EHMT2: variants seen among roughly 807,000 people sequenced by gnomAD.
EHMT2 encodes histone-lysine N-methyltransferase EHMT2.
Under a neutral mutation model 143.3 loss-of-function variants are expected in EHMT2, and 59 were observed. The ratio of observed to expected loss-of-function variants is 0.41; its 90% CI spans 0.33 to 0.51. EHMT2 has a LOEUF of 0.51. Among genes scored for constraint, EHMT2 ranks in the 20% least tolerant of loss-of-function variants. The probability of loss-of-function intolerance (pLI) is 0.18; values close to 1 mark genes in which losing one functional copy is unlikely to be tolerated. For synonymous variants in EHMT2, 604 were observed against 651.5 expected (o/e 0.93, Z 1.11); for missense variants, 1,174 against 1,645.9 (o/e 0.71, Z 4.96).
At chr6:31,882,866 G>C in intron 24 of EHMT2, 28 bp downstream of exon 24, 1 of 1,611,778 alleles carries the variant, frequency 6.2e-7, no homozygotes, top group Middle Eastern at 1.6e-4. Flanking sequence ...GAGGTGGGGA[G>C]AGGGTGGGCT....
In EHMT2 at chr6:31,895,791, C is replaced by T. The variant is rs17207762; in HGVS notation, c.582+472G>A. The T allele has an allele frequency of 2.3e-3, 368 of 158,648 alleles. 1 individual carries two copies. The highest frequency in any genetic ancestry group is 4.3e-3 in the Non-Finnish European group (312 of 72,756). The allele number at this position is 158,648 out of a possible 1,614,324, so 9.8% of individuals were successfully genotyped here. ...TTTGCCTCAGTTTTTTCCTTTAGGT[C>T]AACAATAGGTATGACCCAAGAACCC... On this transcript the variant is annotated intron_variant, in intron 4 of 27. Transcript: ENST00000375537.
rs1005422424 is a variant in EHMT2, at chr6:31,880,920, G to C, written c.3277-72C>G. The C allele has an allele frequency of 6.2e-7, 1 of 1,606,930 alleles. No homozygotes were observed. The highest frequency in any genetic ancestry group is 1.3e-5 in the African/African-American group (1 of 74,688). Reference sequence around the variant, plus strand: ...GCCCTCCCCACCCACTGACTCCCCAGTCCCTCCTCCCCAGGTTTCCATTTG... The same window carrying C: ...GCCCTCCCCACCCACTGACTCCCCACTCCCTCCTCCCCAGGTTTCCATTTG... On this transcript the variant is annotated intron_variant, in intron 26 of 27. Coordinates refer to ENST00000375537, the Ensembl canonical transcript of EHMT2. The surrounding 1 kb of genome is among the most constrained non-coding windows in gnomAD (Gnocchi z 6.6).
In EHMT2 at chr6:31,883,481, T is replaced by C; in HGVS notation, c.2917-42A>G. 1 of 1,578,122 alleles carries C rather than the reference T, an allele frequency of 6.3e-7. No homozygotes were observed. The highest frequency in any genetic ancestry group is 1.1e-5 in the South Asian group (1 of 87,908). On this transcript the variant is annotated intron_variant, in intron 22 of 27. Transcript: ENST00000375537. This position sits in a 1 kb window ranked among gnomAD's most constrained non-coding sequence, Gnocchi z 5.6. ...GAGGTCAGCTCAACCCCATGATCGG[T>C]CTGGGCCCCTCTACTCTTGATGCCC... is the stretch of plus-strand genomic sequence containing the variant.
At chr6:31,892,768 C>T in intron 5 of EHMT2, 34 bp from the exon 6 acceptor site, 4 of 1,613,074 alleles carry the variant, frequency 2.5e-6, no homozygotes, top group Non-Finnish European at 3.4e-6. Flanking sequence ...TGGGGCCTAT[C>T]ACCGAAACCT....
chr6:31,896,077 G>A, intron 4 of EHMT2, 186 bp downstream of exon 4: 1 of 717,266 alleles, frequency 1.4e-6, no homozygotes, highest in East Asian at 2.9e-5. Context: ...ACCCAAGAAT[G>A]TAAACTGCAG....
chr6:31,894,904 G>A (rs1766179951), intron 4 of EHMT2, among the ~76,000 whole-genome samples: 1 of 152,062 alleles, frequency 6.6e-6, no homozygotes, highest in Non-Finnish European at 1.5e-5. Flanking sequence ...TGCCGGCCTT[G>A]GCCTCTGAAA....
At position 31,889,412 on chromosome 6, in the gene EHMT2, G is replaced by C; in HGVS notation, c.999+56C>G. ...GGCCCCCCCAACACCTTCAGGACCA[G>C]ACCTCCAGCCCCATAGTCTCCCACT... On this transcript the variant is annotated intron_variant, in intron 8 of 27. Coordinates refer to ENST00000375537, the Ensembl canonical transcript of EHMT2. This position sits in a 1 kb window ranked among gnomAD's most constrained non-coding sequence, Gnocchi z 5.1. The C allele has an allele frequency of 1.2e-6, 2 of 1,608,458 alleles. No individual in the cohort carries two copies. Among genetic ancestry groups the C allele is most frequent in the South Asian group, 1.1e-5 (1 of 90,626 alleles).
chr6:31,882,546 C>G (rs1236798843), intron 25 of EHMT2, 153 bp downstream of exon 25: 7 of 759,872 alleles, frequency 9.2e-6, no homozygotes, highest in Non-Finnish European at 1.5e-5. Flanking sequence ...GGCTGCTCAG[C>G]TGCAGGAATA....
intron 1 of EHMT2, chr6:31,897,224 A>AG: frequency 1.7e-6 from 2 of 1,197,448 alleles, no homozygotes; most frequent in Non-Finnish European, 2.1e-6. Flanking sequence ...AGAGAAGAGG[A>AG]GGGGGAGGGG....
chr6:31,884,936 GC>G lies in EHMT2; in HGVS notation c.2423del (p.Gly808AlafsTer31). 6.2e-7 allele frequency: 1 copy of G among 1,606,524 alleles called. No homozygotes were observed. Among genetic ancestry groups the G allele is most frequent in the Non-Finnish European group, 8.5e-7 (1 of 1,174,246 alleles). ...CGTTGTCAGTGAGGGTGACGTCGGCGCCCCGCGTCAGTAGCATGCGGATCAC... is the reference window on the plus strand; with the variant it reads ...CGTTGTCAGTGAGGGTGACGTCGGCGCCCGCGTCAGTAGCATGCGGATCAC... On this transcript the variant is annotated frameshift_variant, in exon 19 of 28. Transcript: ENST00000375537. LOFTEE classifies it high-confidence loss of function. This position sits in a 1 kb window ranked among gnomAD's most constrained non-coding sequence, Gnocchi z 7.3.
At position 31,888,438 on chromosome 6, in the gene EHMT2, C is replaced by G; in HGVS notation, c.1434G>C (p.Met478Ile). 6.2e-7 allele frequency: 1 copy of G among 1,612,908 alleles called. No individual in the cohort carries two copies. Among genetic ancestry groups the G allele is most frequent in the Non-Finnish European group, 8.5e-7 (1 of 1,179,918 alleles). Residue 478 changes from methionine to isoleucine, a missense_variant, in exon 12 of 28, where the codon ATG becomes ATC. Transcript: ENST00000375537. The surrounding 1 kb of genome is among the most constrained non-coding windows in gnomAD (Gnocchi z 7.4). ...GGGCGCGGTGGGTCTCACAGAGCAC[C>G]ATCAGGGCCACACGGCTGGATGGCC... is the stretch of plus-strand genomic sequence containing the variant.
At position 31,889,495 on chromosome 6, in the gene EHMT2, A is replaced by C; in HGVS notation, c.972T>G (p.Asp324Glu). 6.2e-7 allele frequency: 1 copy of C among 1,612,296 alleles called. No homozygotes were observed. The highest frequency in any genetic ancestry group is 1.1e-5 in the South Asian group (1 of 91,010). ...TATCTGACTGATTCCCTGACTCCTC[A>C]TCTTCCTCTTCTTCTTCCTCTTCCT... Residue 324 changes from aspartate (D) to glutamate (E), a missense_variant, in exon 8 of 28, where the codon GAT (aspartate) becomes GAG (glutamate). This residue lies in a region of EHMT2 where 608 missense variants were observed against 903.7 expected (regional missense o/e 0.67). Transcript: ENST00000375537. The surrounding 1 kb of genome is among the most constrained non-coding windows in gnomAD (Gnocchi z 5.1).
In EHMT2 at chr6:31,882,688, C is replaced by T. The variant is rs368987186; in HGVS notation, c.3197+11G>A. On this transcript the variant is annotated intron_variant, in intron 25 of 27. Coordinates refer to ENST00000375537, the Ensembl canonical transcript of EHMT2. ...TTCCCACCAGGTGTTAAGGTGCTCC[C>T]GGTGACTTACTCGCAGATGAAGGTC... 19 of 1,610,572 alleles carry T rather than the reference C, an allele frequency of 1.2e-5. No individual in the cohort carries two copies. Among genetic ancestry groups the T allele is most frequent in the Middle Eastern group, 1.7e-4 (1 of 6,054 alleles).
At position 31,888,862 on chromosome 6, in the gene EHMT2, AG is replaced by A. The variant is rs1173665331; in HGVS notation, c.1216+106del. 3 of 1,511,066 alleles carry A rather than the reference AG, an allele frequency of 2.0e-6. No individual in the cohort carries two copies. In the East Asian group the frequency reaches 7.0e-5, roughly 35 times the overall value. 93.6% of individuals were successfully genotyped at this position (1,511,066 alleles called of 1,614,324 possible). The stretch of plus-strand genomic sequence containing the variant: ...CCCCGCCATGCCCCAGAACCCCTAA[AG>A]CCTGGCCATGGACACCCCGGCTCTG... On this transcript the variant is annotated intron_variant, in intron 10 of 27. Coordinates refer to ENST00000375537, the Ensembl canonical transcript of EHMT2. This position sits in a 1 kb window ranked among gnomAD's most constrained non-coding sequence, Gnocchi z 7.4.
rs1188187772 is a variant in EHMT2 at position 31,889,438 on chromosome 6, C to A, written c.999+30G>T. On this transcript the variant is annotated intron_variant, in intron 8 of 27. Transcript: ENST00000375537. This position sits in a 1 kb window ranked among gnomAD's most constrained non-coding sequence, Gnocchi z 5.1. ...ACCTCCAGCCCCATAGTCTCCCACTCCTCTGGAGATATCAGCCTCCGTCTC... is the reference window on the plus strand; with the variant it reads ...ACCTCCAGCCCCATAGTCTCCCACTACTCTGGAGATATCAGCCTCCGTCTC... The A allele has an allele frequency of 6.2e-7, 1 of 1,611,660 alleles. No individual in the cohort carries two copies. Among genetic ancestry groups the A allele is most frequent in the South Asian group, 1.1e-5 (1 of 90,868 alleles).
upstream of EHMT2, chr6:31,897,690 T>C (rs1766766277): frequency 1.8e-6 from 2 of 1,098,608 alleles, no homozygotes; most frequent in Non-Finnish European, 2.3e-6. Context: ...CCGCTTGCGC[T>C]GGGGGCCGAG....
At chr6:31,885,190 T>G in intron 18 of EHMT2, 174 bp from the exon 19 acceptor site, 1 of 885,568 alleles carries the variant, frequency 1.1e-6, no homozygotes, top group Non-Finnish European at 1.6e-6. Context: ...AAAATGGGAC[T>G]AGTAGGGTCG....
At position 31,892,592 on chromosome 6, in the gene EHMT2, C is replaced by A. The variant is rs1353390171; in HGVS notation, c.709-30G>T. On this transcript the variant is annotated intron_variant, in intron 6 of 27. Coordinates refer to ENST00000375537, the Ensembl canonical transcript of EHMT2. ...AAAAAGATCAGAAAAATTGAGGCCACTGACACCCTGCGCATTTCTACTGAG... is the reference window on the plus strand; with the variant it reads ...AAAAAGATCAGAAAAATTGAGGCCAATGACACCCTGCGCATTTCTACTGAG... 8 of 1,612,732 alleles carry A rather than the reference C, an allele frequency of 5.0e-6. No individual in the cohort carries two copies. The African/African-American group carries it at 9.3e-5, about 19-fold the overall frequency.
At position 31,883,906 on chromosome 6, in the gene EHMT2, T is replaced by C; in HGVS notation, c.2816A>G (p.Asn939Ser). Residue 939 changes from asparagine to serine, a missense_variant, in exon 22 of 28, where the codon AAC (asparagine) becomes AGC (serine). Around this residue, in one of 6 missense-constraint regions of EHMT2, gnomAD observed 608 missense variants for 903.7 expected, o/e 0.67. Transcript: ENST00000375537. This position sits in a 1 kb window ranked among gnomAD's most constrained non-coding sequence, Gnocchi z 5.6. ...AGGGCAGGGCTCCCCATCCACACCG[T>C]TGACACAGGGAATGGGCACGTTCTC... 1 of 1,613,864 alleles carries C rather than the reference T, an allele frequency of 6.2e-7. No individual in the cohort carries two copies. The highest frequency in any genetic ancestry group is 8.5e-7 in the Non-Finnish European group (1 of 1,179,942).
Sources: gnomAD v4.1 joint callset for allele counts (sites outside exome capture counted in the v4.1 genomes callset) on GRCh38, gnomAD v4.1.1 for gene constraint, gnomAD v4.1.1 regional missense constraint, Gnocchi (gnomAD v3.1) non-coding constraint, MANE v1.5 for transcripts, NCBI Gene and HGNC (gene_info 2026-07-23, HGNC 2026-07-21) for gene names.